NID1: variants seen among roughly 807,000 people sequenced by gnomAD.
NID1 encodes the protein nidogen 1, also known as nidogen-1.
A neutral mutation model predicts 130.6 loss-of-function variants in NID1; 76 were observed. The observed-to-expected ratio is 0.58, with a 90% confidence interval of 0.48 to 0.70. NID1 has a LOEUF of 0.70. Among genes scored for constraint, NID1 ranks in the 30% least tolerant of loss-of-function variants. NID1 has a pLI of 0.00. For synonymous variants in NID1, 665 were observed against 675.1 expected (o/e 0.98, Z 0.23); for missense variants, 1,517 against 1,664.8 (o/e 0.91, Z 1.54).
Position 235,980,480 on chromosome 1 carries a change from T to C in NID1, c.3385+16A>G. On this transcript the variant is annotated intron_variant, in intron 17 of 19. Coordinates refer to ENST00000264187, the MANE Select transcript of NID1 (RefSeq NM_002508.3). ...AGATTGAGACCCGCCCTGGACAGTG[T>C]CCAGCTTTCCATCACCTGCATCCAC... 6.2e-7 allele frequency: 1 copy of C among 1,613,874 alleles called. No individual in the cohort carries two copies. The highest frequency in any genetic ancestry group is 8.5e-7 in the Non-Finnish European group (1 of 1,179,930).
chr1:235,985,806 G>T (rs146869744), intron 14 of NID1, among the ~76,000 whole-genome samples: 3 of 151,850 alleles, frequency 2.0e-5, no homozygotes, highest in African/African-American at 7.3e-5. Flanking sequence ...TGTTGCCCAG[G>T]CTGGAGTGTA....
At chr1:236,060,279 T>C (rs1660004713) in intron 1 of NID1, among the ~76,000 whole-genome samples, 2 of 152,106 alleles carry the variant, frequency 1.3e-5, no homozygotes, top group African/African-American at 2.4e-5. Context: ...ATTTGTAAAG[T>C]GTCATGGTGC....
intron 14 of NID1, among the ~76,000 whole-genome samples, chr1:235,985,788 AG>A (rs1657558561): frequency 6.6e-6 from 1 of 151,840 alleles, no homozygotes; most frequent in South Asian, 2.1e-4. Context: ...TTTTTGAGAC[AG>A]GGTCTCTGTT....
chr1:236,022,899 T>A (rs1224550855), intron 9 of NID1, among the ~76,000 whole-genome samples: 1 of 151,370 alleles, frequency 6.6e-6, no homozygotes, highest in African/African-American at 2.4e-5. Flanking sequence ...CCCTCTTTAC[T>A]AAAAATACAA....
Position 236,011,983 on chromosome 1 carries a change from C to G in NID1, c.2465G>C (p.Gly822Ala), listed in dbSNP as rs1489013969. The G allele has an allele frequency of 6.2e-7, 1 of 1,614,214 alleles. No homozygotes were observed. Among genetic ancestry groups the G allele is most frequent in the Non-Finnish European group, 8.5e-7 (1 of 1,180,032 alleles). ...HPDAFCYNTP[G>A]SFTCQCKPGY... ...AGGTTTGCACTGGCACGTGAAAGAG[C>G]CTGGAGTGTTGTAGCAGAAGGCGTC... The change falls in exon 12 of 20, where the codon GGC becomes GCC. Residue 822 changes from glycine (G) to alanine (A), a missense_variant. Gly to Ala is a moderately conservative substitution (Grantham distance 60). Around this residue, in one of 3 missense-constraint regions of NID1, gnomAD observed 1,329 missense variants for 1,429.2 expected, o/e 0.93. Coordinates refer to ENST00000264187, the MANE Select transcript of NID1 (RefSeq NM_002508.3).
chr1:235,989,530 C>T (rs1657667930), intron 14 of NID1, among the ~76,000 whole-genome samples: 1 of 152,116 alleles, frequency 6.6e-6, no homozygotes, highest in African/African-American at 2.4e-5. Context: ...CTAGAAATAC[C>T]ACATGAAACC....
At chr1:235,978,017 C>T (rs1248617515) in intron 19 of NID1, 29 bp from the exon 20 acceptor site, 4 of 1,611,362 alleles carry the variant, frequency 2.5e-6, no homozygotes, top group East Asian at 4.5e-5. Context: ...AGTTCAATAG[C>T]CCTCTCTCTG....
chr1:236,019,221 T>C (rs77894207), intron 9 of NID1, among the ~76,000 whole-genome samples: 3,820 of 152,304 alleles, frequency 0.025, 79 homozygotes, highest in African/African-American at 0.051. Context: ...ACGTTTGGAC[T>C]TCACAGCTCC....
intron 9 of NID1, among the ~76,000 whole-genome samples, chr1:236,017,885 A>C (rs960389202): frequency 1.3e-5 from 2 of 152,192 alleles, no homozygotes; most frequent in African/African-American, 4.8e-5. Context: ...GGACACAGAG[A>C]CACATCTCTG....
Position 236,045,068 on chromosome 1 carries a change from A to G in NID1, c.752+389T>C, listed in dbSNP as rs1421555844. Among the ~76,000 whole-genome samples the G allele has an allele frequency of 7.2e-5, 11 of 152,172 alleles. No homozygotes were observed. In the East Asian group the frequency reaches 1.4e-3, roughly 19 times the overall value. On this transcript the variant is annotated intron_variant, in intron 3 of 19. Coordinates refer to ENST00000264187, the MANE Select transcript of NID1 (RefSeq NM_002508.3). ...ACAAGAATTAGCTGGGCATGGTGGC[A>G]CACACCTGTAATCCCAGCTACTTGG... is the stretch of plus-strand genomic sequence containing the variant.
chr1:236,030,478 A>C (rs1284830432), intron 6 of NID1, among the ~76,000 whole-genome samples: 2 of 151,006 alleles, frequency 1.3e-5, no homozygotes, highest in South Asian at 2.1e-4. Context: ...AAAAAAAATC[A>C]AAAGAACAGT....
chr1:236,033,445 T>C (rs984486156), intron 5 of NID1, among the ~76,000 whole-genome samples: 2 of 152,190 alleles, frequency 1.3e-5, no homozygotes, highest in Non-Finnish European at 2.9e-5. Context: ...TGTGAGCTCA[T>C]ATACAGTCCC....
At chr1:236,021,873 G>A (rs1053054047) in intron 9 of NID1, among the ~76,000 whole-genome samples, 7 of 152,172 alleles carry the variant, frequency 4.6e-5, no homozygotes, top group African/African-American at 1.7e-4. Context: ...CTGCCTACAT[G>A]AAAGTATTTG....
chr1:236,014,220 A>ACT (rs893915747), intron 10 of NID1, among the ~76,000 whole-genome samples: 2 of 123,006 alleles, frequency 1.6e-5, no homozygotes, highest in Admixed American at 1.6e-4. Context: ...CACCCCCTCA[A>ACT]CTCTCTCTCT....
rs188813916 is a variant in NID1 at position 235,987,398 on chromosome 1, G to A, written c.2929-1893C>T. ...TAAAACTATAGGAATTCATACTTATGTAAAATTTAGCCATTGGGAGAAACC... is the reference window on the plus strand; with the variant it reads ...TAAAACTATAGGAATTCATACTTATATAAAATTTAGCCATTGGGAGAAACC... On this transcript the variant is annotated intron_variant, in intron 14 of 19. Coordinates refer to ENST00000264187, the MANE Select transcript of NID1 (RefSeq NM_002508.3). 1.4e-3 allele frequency among the ~76,000 whole-genome samples: 211 copies of A among 152,336 alleles called. 1 individual carries two copies. Among genetic ancestry groups the A allele is most frequent in the Middle Eastern group, 0.01 (3 of 294 alleles).
chr1:236,010,654 C>T (rs1658384456), intron 12 of NID1, among the ~76,000 whole-genome samples: 1 of 152,226 alleles, frequency 6.6e-6, no homozygotes, highest in South Asian at 2.1e-4. Context: ...AACTACTGAA[C>T]TCGGCCTTTG....
intron 7 of NID1, among the ~76,000 whole-genome samples, chr1:236,027,413 C>A (rs1658969696): frequency 1.3e-5 from 2 of 152,220 alleles, no homozygotes; most frequent in African/African-American, 4.8e-5. Context: ...CCGGCCGCAA[C>A]TGTGGTCCTG....
intron 14 of NID1, among the ~76,000 whole-genome samples, chr1:235,990,199 A>G (rs1657692460): frequency 6.6e-6 from 1 of 152,222 alleles, no homozygotes; most frequent in Admixed American, 6.5e-5. Context: ...ATAGAAAAAG[A>G]AGAAAACACA....
chr1:235,990,820 G>A lies in NID1; in HGVS notation c.2928+66C>T, dbSNP rs570401935. 1.6e-4 allele frequency: 258 copies of A among 1,570,208 alleles called. 2 individuals carry two copies. Among genetic ancestry groups the A allele is most frequent in the South Asian group, 1.5e-3 (135 of 87,958 alleles). ...GAGCCTGGGGTTCTGGTCTGATATC[G>A]TCCTGCTTGTTTTTCCAGGTCACTG... On this transcript the variant is annotated intron_variant, in intron 14 of 19. Transcript: ENST00000264187.
Sources: allele counts gnomAD v4.1 joint callset (sites outside exome capture counted in the v4.1 genomes callset), GRCh38; gene constraint gnomAD v4.1.1; regional missense constraint gnomAD v4.1.1; transcripts MANE v1.5; gene names NCBI Gene and HGNC (gene_info 2026-07-23, HGNC 2026-07-21).